Variants in PPP2R2B observed in about 807,000 individuals in gnomAD.
The protein encoded by PPP2R2B is protein phosphatase 2 regulatory subunit Bbeta, also known as serine/threonine-protein phosphatase 2A 55 kDa regulatory subunit B beta isoform.
In PPP2R2B, 5 loss-of-function variants were observed where a neutral mutation model predicts 46.0. The ratio of observed to expected loss-of-function variants is 0.11; its 90% CI spans 0.06 to 0.23. PPP2R2B has a LOEUF of 0.23. PPP2R2B is among the 10% of genes least tolerant of loss of function. The pLI is 1.00. For missense variants in PPP2R2B, 367 were observed against 575.0 expected (o/e 0.64, Z 3.70); for synonymous variants, 215 against 206.7 (o/e 1.04, Z -0.34).
At chr5:147,018,961 G>A (rs1755133539) in intron 1 of PPP2R2B, among the ~76,000 whole-genome samples, 1 of 152,148 alleles carries the variant, frequency 6.6e-6, no homozygotes, top group Non-Finnish European at 1.5e-5. Flanking sequence ...CATTAGCACT[G>A]AGTTCTTGCT....
chr5:146,616,901 C>G (rs1330596429), intron 7 of PPP2R2B: 8 of 152,220 alleles, frequency 5.3e-5, no homozygotes, highest in Non-Finnish European at 1.0e-4. Flanking sequence ...AATCAGTATA[C>G]TGAAGAAGTA....
intron 1 of PPP2R2B, among the ~76,000 whole-genome samples, chr5:146,889,825 C>T (rs1762439561): frequency 1.3e-5 from 2 of 152,194 alleles, no homozygotes; most frequent in South Asian, 4.1e-4. Flanking sequence ...CACCCTCAAA[C>T]TTAGCAGTTG....
chr5:146,749,211 A>C (rs1445595645), intron 2 of PPP2R2B, among the ~76,000 whole-genome samples: 1 of 152,148 alleles, frequency 6.6e-6, no homozygotes, highest in Non-Finnish European at 1.5e-5. Flanking sequence ...GTCTTTGGTG[A>C]AATATCTCAG....
chr5:146,647,352 C>T (rs1355114410), intron 6 of PPP2R2B, among the ~76,000 whole-genome samples: 1 of 152,164 alleles, frequency 6.6e-6, no homozygotes, highest in African/African-American at 2.4e-5. Context: ...GGAAATGAGA[C>T]CTGCCTGGTG....
At chr5:146,805,084 T>G (rs1462158325) in intron 2 of PPP2R2B, among the ~76,000 whole-genome samples, 2 of 152,188 alleles carry the variant, frequency 1.3e-5, no homozygotes, top group Admixed American at 1.3e-4. Context: ...AGATTAACTT[T>G]ATTGCAAGGA....
intron 2 of PPP2R2B, among the ~76,000 whole-genome samples, chr5:146,740,351 T>C (rs1752791828): frequency 1.3e-5 from 2 of 152,170 alleles, no homozygotes; most frequent in African/African-American, 4.8e-5. Flanking sequence ...TAAGAGCACC[T>C]GATAGTTAAC....
rs935036252 is a variant in PPP2R2B, at chr5:147,014,940, C to T, written c.79+40725G>A. Among the ~76,000 whole-genome samples the T allele has an allele frequency of 3.1e-4, 47 of 151,980 alleles. 1 individual carries two copies. Among genetic ancestry groups the T allele is most frequent in the African/African-American group, 1.1e-3 (45 of 41,492 alleles). On this transcript the variant is annotated intron_variant, in intron 1 of 8. Transcript: ENST00000336640. Reference sequence around the variant, plus strand: ...ATGAATTTCATAGACTGGGTCCTATCCCCAAGATATCTCATTATGTATTTG... The same window carrying T: ...ATGAATTTCATAGACTGGGTCCTATTCCCAAGATATCTCATTATGTATTTG...
intron 1 of PPP2R2B, among the ~76,000 whole-genome samples, chr5:146,949,109 G>T (rs763890977): frequency 6.6e-6 from 1 of 151,520 alleles, no homozygotes; most frequent in Non-Finnish European, 1.5e-5. Context: ...TGATACATGT[G>T]CTAGGTACTT....
chr5:146,780,429 C>T (rs961569210), intron 2 of PPP2R2B, among the ~76,000 whole-genome samples: 12 of 152,076 alleles, frequency 7.9e-5, no homozygotes, highest in Admixed American at 2.0e-4. Context: ...CCCTGCGGTA[C>T]GAGGAATACA....
chr5:146,919,384 T>C (rs146212043), intron 1 of PPP2R2B: 1 of 152,214 alleles, frequency 6.6e-6, no homozygotes, highest in Non-Finnish European at 1.5e-5. Flanking sequence ...CTGGGCCTGA[T>C]GGTTTACCTC....
At chr5:147,035,764 A>C (rs1321015850) in intron 1 of PPP2R2B, among the ~76,000 whole-genome samples, 1 of 151,186 alleles carries the variant, frequency 6.6e-6, no homozygotes, top group Non-Finnish European at 1.5e-5. Context: ...AGTCTGTCTT[A>C]ATATAACTGC....
At chr5:146,915,806 C>T (rs574297961) in intron 1 of PPP2R2B, among the ~76,000 whole-genome samples, 3 of 152,236 alleles carry the variant, frequency 2.0e-5, no homozygotes, top group South Asian at 4.2e-4. Flanking sequence ...CTTGCCTCCT[C>T]CTTGCTAATA....
At chr5:146,647,887 T>C (rs1419600430) in intron 6 of PPP2R2B, among the ~76,000 whole-genome samples, 1 of 152,190 alleles carries the variant, frequency 6.6e-6, no homozygotes, top group Non-Finnish European at 1.5e-5. Context: ...CCAGACAGCA[T>C]GTGGAGTCTG....
intron 2 of PPP2R2B, among the ~76,000 whole-genome samples, chr5:146,845,699 C>A (rs896115859): frequency 1.3e-5 from 2 of 152,166 alleles, no homozygotes; most frequent in Non-Finnish European, 2.9e-5. Flanking sequence ...TGCTCCATGA[C>A]CATACAGTGA....
chr5:147,010,310 G>T (rs1754656056), intron 1 of PPP2R2B, among the ~76,000 whole-genome samples: 1 of 152,204 alleles, frequency 6.6e-6, no homozygotes, highest in Non-Finnish European at 1.5e-5. Flanking sequence ...GGGCAGGGTG[G>T]AAGGGGGAAT....
At chr5:146,887,383 C>A (rs181506449) in intron 1 of PPP2R2B, among the ~76,000 whole-genome samples, 1 of 152,006 alleles carries the variant, frequency 6.6e-6, no homozygotes, top group Admixed American at 6.6e-5. Flanking sequence ...TAAATTTTTA[C>A]CTACTAGAAA....
At chr5:146,770,575 C>T (rs1582065017) in intron 2 of PPP2R2B, among the ~76,000 whole-genome samples, 2 of 152,104 alleles carry the variant, frequency 1.3e-5, no homozygotes, top group East Asian at 1.9e-4. Flanking sequence ...GGTAATTTAA[C>T]GTTTCTACTT....
intron 1 of PPP2R2B, among the ~76,000 whole-genome samples, chr5:146,920,966 A>C (rs1763583702): frequency 6.6e-6 from 1 of 152,234 alleles, no homozygotes; most frequent in South Asian, 2.1e-4. Flanking sequence ...AAGTAAGTAC[A>C]TCTCTAAATT....
At chr5:146,666,692 C>A (rs928470836) in intron 5 of PPP2R2B, among the ~76,000 whole-genome samples, 10 of 152,206 alleles carry the variant, frequency 6.6e-5, no homozygotes, top group Non-Finnish European at 1.3e-4. Context: ...AGCCTCCAAT[C>A]TTCACACCTC....
Sources: allele counts gnomAD v4.1 joint callset (sites outside exome capture counted in the v4.1 genomes callset), GRCh38; gene constraint gnomAD v4.1.1; transcripts MANE v1.5; gene names NCBI Gene and HGNC (gene_info 2026-07-23, HGNC 2026-07-21).